The following FBXO31 variants were observed in gnomAD, a reference collection of about 807,000 sequenced individuals.
FBXO31 encodes F-box only protein 31.
FBXO31 carries 24 observed loss-of-function variants against 54.4 expected under a neutral mutation model. That is an observed-to-expected ratio of 0.44 (90% CI 0.32 to 0.62). The LOEUF (loss-of-function observed/expected upper bound fraction) is 0.62, where lower values mean the gene tolerates loss of function less well. Among genes scored for constraint, FBXO31 ranks in the 20% least tolerant of loss-of-function variants. The pLI is 0.05. For missense variants in FBXO31, 665 were observed against 787.1 expected (o/e 0.84, Z 1.86); for synonymous variants, 388 against 335.6 (o/e 1.16, Z -1.71).
intron 5 of FBXO31, among the ~76,000 whole-genome samples, chr16:87,340,897 A>C (rs1268416988): frequency 2.6e-5 from 4 of 152,216 alleles, no homozygotes; most frequent in Non-Finnish European, 5.9e-5. Flanking sequence ...GGCAACTCCT[A>C]TCTGGAAGGG....
At chr16:87,350,680 C>T (rs868571001) in intron 2 of FBXO31, among the ~76,000 whole-genome samples, 19 of 152,026 alleles carry the variant, frequency 1.2e-4, no homozygotes, top group Non-Finnish European at 2.4e-4. Flanking sequence ...ACAATTCTTC[C>T]AACTTTTCTG....
intron 1 of FBXO31, among the ~76,000 whole-genome samples, chr16:87,373,400 C>A (rs574335528): frequency 6.6e-6 from 1 of 151,970 alleles, no homozygotes. Flanking sequence ...TGCAGTGAGC[C>A]GAGATCGCGC....
rs79224744 is a variant in FBXO31, at chr16:87,330,882, C to T, written c.*406G>A. On this transcript the variant is annotated 3_prime_UTR_variant, in exon 9 of 9. Transcript: ENST00000311635. ...CAAAAGGAGTGGGGTGGAGCACATG[C>T]GTCTCACACACGACCCAGTCTATCA... The T allele has an allele frequency of 0.15, 28,613 of 196,466 alleles. 2,580 individuals carry two copies. The highest frequency in any genetic ancestry group is 0.3 in the South Asian group (3,112 of 10,344). The allele number at this position is 196,466 out of a possible 1,614,324, so 12.2% of individuals were successfully genotyped here.
chr16:87,390,479 C>T (rs980304654), upstream of FBXO31, among the ~76,000 whole-genome samples: 12 of 151,180 alleles, frequency 7.9e-5, no homozygotes, highest in Non-Finnish European at 1.3e-4. Flanking sequence ...TTCGCTCTTT[C>T]CCCCAGGCTG....
At position 87,341,650 on chromosome 16, in the gene FBXO31, C is replaced by T. The variant is rs1488556684; in HGVS notation, c.732+1227G>A. On this transcript the variant is annotated intron_variant, in intron 5 of 8. Transcript: ENST00000311635. Reference sequence around the variant, plus strand: ...CAGCCTGGGCAACAGAGCGAGACTCCGTCTCAAAAAAAAAAAAAAAAAAAA... The same window carrying T: ...CAGCCTGGGCAACAGAGCGAGACTCTGTCTCAAAAAAAAAAAAAAAAAAAA... 1.0e-4 allele frequency among the ~76,000 whole-genome samples: 11 copies of T among 105,932 alleles called. No individual in the cohort carries two copies. In the East Asian group the frequency reaches 2.6e-3, roughly 25 times the overall value. The allele number at this position is 105,932 out of a possible 152,430, so 69.5% of individuals were successfully genotyped here.
In FBXO31 at chr16:87,338,396, G is replaced by A. The variant is rs930128221; in HGVS notation, c.733-2132C>T. Reference sequence around the variant, plus strand: ...GATGCCTGCTGGCTGCTTGAAACAGGAGCATGGCCCATCCTCCCTTCTCTG... The same window carrying A: ...GATGCCTGCTGGCTGCTTGAAACAGAAGCATGGCCCATCCTCCCTTCTCTG... On this transcript the variant is annotated intron_variant, in intron 5 of 8. Coordinates refer to ENST00000311635, the MANE Select transcript of FBXO31 (RefSeq NM_024735.5). This position sits in a 1 kb window ranked among gnomAD's most constrained non-coding sequence, Gnocchi z 4.3. Among the ~76,000 whole-genome samples, 4 of 150,734 alleles carry A rather than the reference G, an allele frequency of 2.7e-5. No homozygotes were observed. The highest frequency in any genetic ancestry group is 1.9e-4 in the East Asian group (1 of 5,160).
At chr16:87,378,645 A>G (rs943005241) in intron 1 of FBXO31, among the ~76,000 whole-genome samples, 2 of 152,174 alleles carry the variant, frequency 1.3e-5, no homozygotes, top group African/African-American at 4.8e-5. Context: ...CCTGGATATA[A>G]TCCTCAGAAA....
chr16:87,391,189 C>T (rs774312221), upstream of FBXO31, among the ~76,000 whole-genome samples: 1 of 152,134 alleles, frequency 6.6e-6, no homozygotes, highest in Non-Finnish European at 1.5e-5. Context: ...CGGCTCTACT[C>T]CCAGCTTCTC....
At chr16:87,390,571 G>C (rs556382868), upstream of FBXO31, among the ~76,000 whole-genome samples, 2 of 151,468 alleles carry the variant, frequency 1.3e-5, no homozygotes, top group African/African-American at 2.4e-5. Flanking sequence ...CTCCCGAGTA[G>C]CTGGGATTAC....
At chr16:87,352,525 C>T (rs1031523075) in intron 2 of FBXO31, among the ~76,000 whole-genome samples, 2 of 152,146 alleles carry the variant, frequency 1.3e-5, no homozygotes, top group Non-Finnish European at 2.9e-5. Context: ...AGTCCGCAAA[C>T]TGGAGTATCA....
chr16:87,363,725 G>GA (rs1196600817), intron 1 of FBXO31, among the ~76,000 whole-genome samples: 2 of 152,198 alleles, frequency 1.3e-5, no homozygotes, highest in Non-Finnish European at 2.9e-5. Context: ...GGGACTCTGT[G>GA]AGAGTCTCCT....
chr16:87,342,456 C>T (rs565591850), intron 5 of FBXO31, among the ~76,000 whole-genome samples: 13 of 152,306 alleles, frequency 8.5e-5, no homozygotes, highest in African/African-American at 3.1e-4. Flanking sequence ...CACAGGCTTC[C>T]CCGCTGCACT....
rs1199483058 is a variant in FBXO31 at position 87,383,060 on chromosome 16, G to A, written c.340+345C>T. 6.6e-6 allele frequency among the ~76,000 whole-genome samples: 1 copy of A among 152,102 alleles called. No homozygotes were observed. The highest frequency in any genetic ancestry group is 1.5e-5 in the Non-Finnish European group (1 of 68,008). ...AGCTTAGGCCCCGCGCAGACCTCGAGGGATCCCAGCCCCAGCTCCCGGCAC... is the reference window on the plus strand; with the variant it reads ...AGCTTAGGCCCCGCGCAGACCTCGAAGGATCCCAGCCCCAGCTCCCGGCAC... On this transcript the variant is annotated intron_variant, in intron 1 of 8. Transcript: ENST00000311635. The surrounding 1 kb of genome is among the most constrained non-coding windows in gnomAD (Gnocchi z 4.9).
chr16:87,362,441 T>C (rs778551907), intron 1 of FBXO31: 3 of 152,116 alleles, frequency 2.0e-5, no homozygotes, highest in Non-Finnish European at 4.4e-5. Context: ...GCCCAGGCTG[T>C]AGTGTAGTGG....
At chr16:87,339,642 G>A (rs2150671718) in intron 5 of FBXO31, among the ~76,000 whole-genome samples, 1 of 152,340 alleles carries the variant, frequency 6.6e-6, no homozygotes, top group Non-Finnish European at 1.5e-5. Context: ...GACGAGCCGA[G>A]GGAGTATGTC....
Position 87,345,224 on chromosome 16 carries a change from C to T in FBXO31, c.490-1459G>A, listed in dbSNP as rs62053082. Reference sequence around the variant, plus strand: ...ATTTTCAACACAGCAAGAACGATGGCAACAGTGACACCTCAGGGGCCAGCT... The same window carrying T: ...ATTTTCAACACAGCAAGAACGATGGTAACAGTGACACCTCAGGGGCCAGCT... On this transcript the variant is annotated intron_variant, in intron 3 of 8. Coordinates refer to ENST00000311635, the MANE Select transcript of FBXO31 (RefSeq NM_024735.5). This position sits in a 1 kb window ranked among gnomAD's most constrained non-coding sequence, Gnocchi z 4.9. Among the ~76,000 whole-genome samples the T allele has an allele frequency of 6.2e-4, 94 of 152,180 alleles. No individual in the cohort carries two copies. Among genetic ancestry groups the T allele is most frequent in the Admixed American group, 6.5e-4 (10 of 15,270 alleles).
intron 5 of FBXO31, among the ~76,000 whole-genome samples, chr16:87,340,504 C>T (rs1485027179): frequency 6.6e-6 from 1 of 152,236 alleles, no homozygotes; most frequent in Non-Finnish European, 1.5e-5. Context: ...CTAAGCCTTA[C>T]ATTTCACATC....
At chr16:87,372,818 TG>T (rs1196123619) in intron 1 of FBXO31, among the ~76,000 whole-genome samples, 9 of 151,114 alleles carry the variant, frequency 6.0e-5, no homozygotes, top group Admixed American at 5.9e-4. Flanking sequence ...CTGCAACCTC[TG>T]CCTCCTGGGT....
At chr16:87,337,435 A>C (rs1250455238) in intron 5 of FBXO31, among the ~76,000 whole-genome samples, 1 of 152,220 alleles carries the variant, frequency 6.6e-6, no homozygotes, top group Non-Finnish European at 1.5e-5. Context: ...GGACTCGCCA[A>C]GTCTGAAATT....
Sources: allele counts gnomAD v4.1 joint callset (sites outside exome capture counted in the v4.1 genomes callset), GRCh38; gene constraint gnomAD v4.1.1; non-coding constraint Gnocchi (gnomAD v3.1); transcripts MANE v1.5; gene names NCBI Gene and HGNC (gene_info 2026-07-23, HGNC 2026-07-21).